Variants in PLXNA4 observed in about 807,000 individuals in gnomAD.
PLXNA4 encodes plexin A4.
Under a neutral mutation model 191.8 loss-of-function variants are expected in PLXNA4, and 44 were observed. That is an observed-to-expected ratio of 0.23 (90% confidence interval 0.18 to 0.29). The LOEUF (loss-of-function observed/expected upper bound fraction) is 0.29. Among genes scored for constraint, PLXNA4 ranks in the 10% least tolerant of loss-of-function variants. The pLI, the probability that PLXNA4 is intolerant of heterozygous loss-of-function variation, is 1.00. For synonymous variants in PLXNA4, 1,082 were observed against 1,009.5 expected (o/e 1.07, Z -1.36); for missense variants, 1,800 against 2,488.8 (o/e 0.72, Z 5.89).
rs766781673 is a variant in PLXNA4, at chr7:132,491,193, C to T, written c.1189-1719G>A. On this transcript the variant is annotated intron_variant, in intron 2 of 31. Transcript: ENST00000321063. ...GGGCTACCATAAAGCCTATTGCACTCGTGCCTGTAAATGTCTTTGGACTTT... is the reference window on the plus strand; with the variant it reads ...GGGCTACCATAAAGCCTATTGCACTTGTGCCTGTAAATGTCTTTGGACTTT... Among the ~76,000 whole-genome samples, 4 of 152,212 alleles carry T rather than the reference C, an allele frequency of 2.6e-5. No individual in the cohort carries two copies. The South Asian group carries it at 6.2e-4, about 24-fold the overall frequency.
intron 29 of PLXNA4, among the ~76,000 whole-genome samples, chr7:132,144,405 G>A (rs1482795982): frequency 1.3e-5 from 2 of 152,338 alleles, no homozygotes; most frequent in Non-Finnish European, 2.9e-5. Context: ...GTTAAAAGGA[G>A]AGAGGGGATC....
intron 5 of PLXNA4, among the ~76,000 whole-genome samples, chr7:132,236,900 G>A (rs1214873046): frequency 6.6e-6 from 1 of 152,126 alleles, no homozygotes; most frequent in East Asian, 1.9e-4. Flanking sequence ...TTCCTCATGT[G>A]TCTCTCCAAG....
chr7:132,220,810 CTTT>C (rs35090579), intron 9 of PLXNA4, among the ~76,000 whole-genome samples: 13 of 100,774 alleles, frequency 1.3e-4, no homozygotes, highest in African/African-American at 2.4e-4. Flanking sequence ...TTATTTTATT[CTTT>C]TTTTTTTTTT....
intron 3 of PLXNA4, among the ~76,000 whole-genome samples, chr7:132,308,002 C>G (rs1253758666): frequency 6.6e-6 from 1 of 152,132 alleles, no homozygotes; most frequent in Non-Finnish European, 1.5e-5. Context: ...CCATTAGGAA[C>G]TTCTTGCCCT....
chr7:132,193,115 A>T (rs145933195), intron 14 of PLXNA4, among the ~76,000 whole-genome samples: 1 of 152,328 alleles, frequency 6.6e-6, no homozygotes, highest in Non-Finnish European at 1.5e-5. Flanking sequence ...CCAATTTAAC[A>T]GTGTTGAGAT....
intron 1 of PLXNA4, among the ~76,000 whole-genome samples, chr7:132,510,036 A>G (rs1798646034): frequency 6.6e-6 from 1 of 152,244 alleles, no homozygotes; most frequent in Non-Finnish European, 1.5e-5. Flanking sequence ...CTCCCCGAGG[A>G]ACAAGATCAC....
At chr7:132,367,491 G>T (rs1052117901) in intron 3 of PLXNA4, among the ~76,000 whole-genome samples, 8 of 152,026 alleles carry the variant, frequency 5.3e-5, no homozygotes, top group Admixed American at 2.6e-4. Context: ...AAGAAGAAAG[G>T]GGGGGTGAAG....
Position 132,620,584 on chromosome 7 carries a change from T to C in PLXNA4, c.-87+25344A>G, listed in dbSNP as rs894910667. ...AAGCTAACAACATTGCCCTGGTTTA[T>C]AACCTTCCAGACTCTTCCCTGTGCT... On this transcript the variant is annotated intron_variant, in intron 2 of 4. Transcript: ENST00000378539. 2.6e-5 allele frequency among the ~76,000 whole-genome samples: 4 copies of C among 152,222 alleles called. No homozygotes were observed. In the East Asian group the frequency reaches 7.7e-4, roughly 29 times the overall value.
intron 29 of PLXNA4, among the ~76,000 whole-genome samples, chr7:132,143,336 C>T (rs1795324441): frequency 6.6e-6 from 1 of 152,214 alleles, no homozygotes. Context: ...CTTGGAAGAG[C>T]TGGCATCCAA....
At chr7:132,303,596 A>G (rs1191779502) in intron 3 of PLXNA4, among the ~76,000 whole-genome samples, 1 of 152,146 alleles carries the variant, frequency 6.6e-6, no homozygotes, top group African/African-American at 2.4e-5. Flanking sequence ...GAAACCAATC[A>G]CAGGTCACGA....
intron 30 of PLXNA4, among the ~76,000 whole-genome samples, chr7:132,136,282 G>A (rs905888710): frequency 6.6e-6 from 1 of 152,212 alleles, no homozygotes; most frequent in African/African-American, 2.4e-5. Flanking sequence ...GCTCTGTTAA[G>A]GAACTTTAAA....
At chr7:132,388,479 T>G (rs1696800509) in intron 3 of PLXNA4, among the ~76,000 whole-genome samples, 1 of 152,292 alleles carries the variant, frequency 6.6e-6, no homozygotes, top group East Asian at 1.9e-4. Context: ...ACCACGATGA[T>G]AATTTTGTAC....
At position 132,242,612 on chromosome 7, in the gene PLXNA4, G is replaced by A. The variant is rs934582360; in HGVS notation, c.1504-1446C>T. Among the ~76,000 whole-genome samples the A allele has an allele frequency of 4.6e-5, 7 of 152,086 alleles. No individual in the cohort carries two copies. In the South Asian group the frequency reaches 6.2e-4, roughly 14 times the overall value. On this transcript the variant is annotated intron_variant, in intron 4 of 31. Coordinates refer to ENST00000321063, the MANE Select transcript of PLXNA4 (RefSeq NM_020911.2). ...TGAGCGTTCTTAATGACCACACTGC[G>A]CTTTCACTTCTTTCAAGCAACCTTT...
intron 2 of PLXNA4, among the ~76,000 whole-genome samples, chr7:132,642,620 G>A (rs1028861980): frequency 2.0e-5 from 3 of 152,108 alleles, no homozygotes; most frequent in African/African-American, 7.2e-5. Context: ...AGAGATACAG[G>A]CAGAGGCCTT....
intron 3 of PLXNA4, among the ~76,000 whole-genome samples, chr7:132,419,876 T>G (rs1794790384): frequency 6.6e-6 from 1 of 152,210 alleles, no homozygotes; most frequent in South Asian, 2.1e-4. Flanking sequence ...ACAGTAAAAT[T>G]CAAACTTCAT....
intron 10 of PLXNA4, among the ~76,000 whole-genome samples, chr7:132,208,753 A>C (rs1797706722): frequency 6.6e-6 from 1 of 152,114 alleles, no homozygotes; most frequent in African/African-American, 2.4e-5. Flanking sequence ...GACTGTGCGC[A>C]CACTGGAGCC....
chr7:132,358,155 T>C (rs1230682640), intron 3 of PLXNA4, among the ~76,000 whole-genome samples: 2 of 152,268 alleles, frequency 1.3e-5, no homozygotes, highest in Admixed American at 1.3e-4. Context: ...CATCAACTAT[T>C]TGGAAGGGAA....
rs1797784968 is a variant in PLXNA4, at chr7:132,211,090, G to T, written c.2151C>A (p.Ile717=). ...TCTTGGCCTTCAGCGTGATAGGCTT[G>T]ATCACCTCCACGGGCACCAGGATCT... ...VDKILVPVEV[I]KPITLKAKNL... Residue 717 remains isoleucine (I), a synonymous_variant, in exon 10 of 32, where the codon ATC becomes ATA. Transcript: ENST00000321063. 6.3e-7 allele frequency: 1 copy of T among 1,594,488 alleles called. No homozygotes were observed. The highest frequency in any genetic ancestry group is 2.3e-5 in the East Asian group (1 of 43,912).
At chr7:132,619,015 G>GTATT (rs1419014289) in intron 2 of PLXNA4, among the ~76,000 whole-genome samples, 3 of 152,204 alleles carry the variant, frequency 2.0e-5, no homozygotes, top group Admixed American at 6.5e-5. Context: ...TCATTAGACT[G>GTATT]TATTTCTATG....
Sources: allele counts gnomAD v4.1 joint callset (sites outside exome capture counted in the v4.1 genomes callset), GRCh38; gene constraint gnomAD v4.1.1; transcripts MANE v1.5; gene names NCBI Gene and HGNC (gene_info 2026-07-23, HGNC 2026-07-21).